The following GLRX3 variants were observed in gnomAD, a reference collection of about 807,000 sequenced individuals.
GLRX3 encodes the protein glutaredoxin 3, also known as glutaredoxin-3.
In GLRX3, 22 loss-of-function variants were observed where a neutral mutation model predicts 49.5. The observed-to-expected ratio is 0.44, with a 90% CI of 0.32 to 0.63. The LOEUF (loss-of-function observed/expected upper bound fraction) is 0.63, where lower values mean the gene tolerates loss of function less well. Among genes scored for constraint, GLRX3 ranks in the 30% least tolerant of loss-of-function variants. The probability of loss-of-function intolerance (pLI) is 0.05; values close to 1 mark genes in which losing one functional copy is unlikely to be tolerated. For synonymous variants in GLRX3, 133 were observed against 140.0 expected, an observed-to-expected ratio of 0.95 and a Z score of 0.35; for missense variants, 385 against 396.3, an observed-to-expected ratio of 0.97 and a Z score of 0.24.
intron 7 of GLRX3, among the ~76,000 whole-genome samples, chr10:130,171,292 G>A (rs985634950): frequency 2.6e-5 from 4 of 152,074 alleles, no homozygotes; most frequent in African/African-American, 4.8e-5. Context: ...AGAAAATCTC[G>A]GTTTCACTTA....
chr10:130,166,561 G>A lies in GLRX3; in HGVS notation c.533G>A (p.Ser178Asn). The A allele has an allele frequency of 6.2e-7, 1 of 1,612,578 alleles. No homozygotes were observed. The highest frequency in any genetic ancestry group is 8.5e-7 in the Non-Finnish European group (1 of 1,178,674). The change falls in exon 5 of 11, where the codon AGT becomes AAT. Residue 178 changes from serine (S) to asparagine (N), a missense_variant. Ser to Asn is a conservative substitution (Grantham distance 46, BLOSUM62 1). Around this residue, in one of 2 missense-constraint regions of GLRX3, gnomAD observed 374 missense variants for 358.6 expected, o/e 1.04. Transcript: ENST00000331244. ...ILHKHNIQFS[S>N]FDIFSDEEVR... ...CACAAACATAATATTCAGTTTAGCA[G>A]TTTTGATATCTTCTCAGATGAAGAG...
chr10:130,145,165 C>T, intron 1 of GLRX3, 46 bp from the exon 2 acceptor site: 1 of 762,998 alleles, frequency 1.3e-6, no homozygotes, highest in Non-Finnish European at 2.2e-6. Context: ...TTGTGTATTT[C>T]CAAAATTGGT....
chr10:130,144,943 TTTAA>T (rs1358809294), intron 1 of GLRX3, among the ~76,000 whole-genome samples: 2 of 152,212 alleles, frequency 1.3e-5, no homozygotes, highest in African/African-American at 4.8e-5. Flanking sequence ...TTACATGACT[TTTAA>T]TTGAGGTGGA....
intron 1 of GLRX3, among the ~76,000 whole-genome samples, chr10:130,140,729 T>C (rs1862157394): frequency 1.3e-5 from 2 of 152,104 alleles, no homozygotes; most frequent in Non-Finnish European, 1.5e-5. Context: ...TAACCTACTT[T>C]AATTTTTGAA....
intron 1 of GLRX3, among the ~76,000 whole-genome samples, chr10:130,139,108 G>A (rs1257875608): frequency 6.6e-6 from 1 of 151,788 alleles, no homozygotes; most frequent in Non-Finnish European, 1.5e-5. Flanking sequence ...TGATGGGCCC[G>A]CTTCCCAGCG....
chr10:130,139,064 T>G (rs1015788406), intron 1 of GLRX3, among the ~76,000 whole-genome samples: 3 of 151,970 alleles, frequency 2.0e-5, no homozygotes, highest in Non-Finnish European at 4.4e-5. Flanking sequence ...TTTCACCATG[T>G]TGGCCAGGCT....
intron 2 of GLRX3, among the ~76,000 whole-genome samples, chr10:130,155,668 G>T (rs371080539): frequency 2.6e-5 from 4 of 152,306 alleles, no homozygotes; most frequent in Non-Finnish European, 4.4e-5. Context: ...CAGGTGTTGA[G>T]TGTATAGTCT....
chr10:130,174,236 T>C (rs1280712392), intron 8 of GLRX3, among the ~76,000 whole-genome samples: 2 of 152,238 alleles, frequency 1.3e-5, no homozygotes, highest in Non-Finnish European at 2.9e-5. Context: ...TGGAGGGAGC[T>C]GGCAGCGTGG....
intron 1 of GLRX3, among the ~76,000 whole-genome samples, chr10:130,142,894 A>G (rs988383764): frequency 6.6e-6 from 1 of 152,156 alleles, no homozygotes; most frequent in African/African-American, 2.4e-5. Flanking sequence ...CTTAATGTTG[A>G]TAAGCCCCCT....
intron 2 of GLRX3, 37 bp from the exon 3 acceptor site, chr10:130,159,958 C>T (rs927022061): frequency 2.2e-6 from 3 of 1,388,512 alleles, no homozygotes; most frequent in Non-Finnish European, 3.1e-6. Flanking sequence ...GAAAAAGGAC[C>T]TTGTAATAAT....
intron 8 of GLRX3, among the ~76,000 whole-genome samples, chr10:130,174,394 C>T (rs1033968893): frequency 1.3e-5 from 2 of 152,214 alleles, no homozygotes; most frequent in African/African-American, 4.8e-5. Context: ...AATGAAGGCT[C>T]GTGCAGATGG....
intron 8 of GLRX3, among the ~76,000 whole-genome samples, chr10:130,172,239 GAATATATTATAGGTAGTTTTT>G (rs886734353): frequency 4.6e-5 from 7 of 152,276 alleles, no homozygotes; most frequent in South Asian, 2.1e-4. Context: ...TATTTCAGGG[GAATATATTATAGGTAGTTTTT>G]AATTTTTCTC....
At chr10:130,151,702 C>T (rs1862380451) in intron 2 of GLRX3, among the ~76,000 whole-genome samples, 1 of 152,194 alleles carries the variant, frequency 6.6e-6, no homozygotes, top group Non-Finnish European at 1.5e-5. Flanking sequence ...GACATGAACT[C>T]ATCCTTTTTT....
chr10:130,137,950 C>T (rs768286111), intron 1 of GLRX3, among the ~76,000 whole-genome samples: 1 of 152,032 alleles, frequency 6.6e-6, no homozygotes. Context: ...TGCCCAGCCT[C>T]GTCTCGACCT....
chr10:130,136,708 C>A (rs574257796), intron 1 of GLRX3, among the ~76,000 whole-genome samples, 196 bp downstream of exon 1: 1 of 152,312 alleles, frequency 6.6e-6, no homozygotes, highest in African/African-American at 2.4e-5. Context: ...AGGTTCCCCG[C>A]CCCGGAACAG....
intron 2 of GLRX3, among the ~76,000 whole-genome samples, chr10:130,148,331 A>G (rs1288472007): frequency 6.7e-6 from 1 of 150,028 alleles, no homozygotes; most frequent in African/African-American, 2.5e-5. Flanking sequence ...CGGTTTCACC[A>G]TGTTGCTCAG....
chr10:130,165,771 G>A (rs1186073892), intron 4 of GLRX3, among the ~76,000 whole-genome samples: 1 of 152,178 alleles, frequency 6.6e-6, no homozygotes, highest in Non-Finnish European at 1.5e-5. Flanking sequence ...CAACAGCATT[G>A]GGTTTTAAGT....
intron 10 of GLRX3, among the ~76,000 whole-genome samples, chr10:130,177,914 C>A (rs1400507361): frequency 1.3e-5 from 2 of 152,124 alleles, no homozygotes; most frequent in African/African-American, 4.8e-5. Context: ...TTTCTTTAAA[C>A]CAGAAAATCT....
intron 2 of GLRX3, among the ~76,000 whole-genome samples, chr10:130,154,081 G>A (rs370351946): frequency 1.2e-4 from 18 of 152,348 alleles, no homozygotes; most frequent in East Asian, 1.2e-3. Flanking sequence ...GTCCTAGGTC[G>A]ATCTCAGACT....
Sources: allele counts gnomAD v4.1 joint callset (sites outside exome capture counted in the v4.1 genomes callset), GRCh38; gene constraint gnomAD v4.1.1; regional missense constraint gnomAD v4.1.1; transcripts MANE v1.5; gene names NCBI Gene and HGNC (gene_info 2026-07-23, HGNC 2026-07-21).